Variants in BZW1 observed in about 807,000 individuals in gnomAD.
The protein encoded by BZW1 is basic leucine zipper and W2 domains 1, also known as eIF5-mimic protein 2.
A neutral mutation model predicts 54.1 loss-of-function variants in BZW1; 3 were observed. The observed-to-expected ratio is 0.06, with a 90% CI of 0.03 to 0.14. BZW1 has a LOEUF of 0.14. BZW1 is among the 10% of genes least tolerant of loss of function. The pLI is 1.00. For synonymous variants in BZW1, 152 were observed against 162.7 expected, an observed-to-expected ratio of 0.93 and a Z score of 0.50; for missense variants, 206 against 491.7, an observed-to-expected ratio of 0.42 and a Z score of 5.50.
rs561295598 is a variant in BZW1 at position 200,817,109 on chromosome 2, C to T, written c.406C>T (p.Leu136=). 20 of 1,613,650 alleles carry T rather than the reference C, an allele frequency of 1.2e-5. No individual in the cohort carries two copies. The highest frequency in any genetic ancestry group is 1.7e-5 in the Admixed American group (1 of 60,004). Residue 136 remains leucine, a synonymous_variant, in exon 6 of 12, where the codon CTG becomes TTG. Coordinates refer to ENST00000409600, the MANE Select transcript of BZW1 (RefSeq NM_001207067.2). ...TTAATTGTTTTACTTTTTACAGCTG[C>T]TGCTGTTCTTGAAGGGTTTTTCAGA... ...KGFEDEVKKL[L]LFLKGFSESE...
At position 200,818,262 on chromosome 2, in the gene BZW1, A is replaced by G. The variant is rs960652500; in HGVS notation, c.688A>G (p.Thr230Ala). 2 of 1,603,112 alleles carry G rather than the reference A, an allele frequency of 1.2e-6. No individual in the cohort carries two copies. The highest frequency in any genetic ancestry group is 1.3e-5 in the African/African-American group (1 of 74,356). Residue 230 changes from threonine to alanine, a missense_variant, in exon 8 of 12, where the codon ACA becomes GCA. By Grantham distance (58) the Thr-to-Ala change is moderately conservative. Coordinates refer to ENST00000409600, the MANE Select transcript of BZW1 (RefSeq NM_001207067.2). ...PANKQSVEHF[T>A]KYFTEAGLKE... The stretch of plus-strand genomic sequence containing the variant: ...CAATAAGCAAAGTGTTGAACACTTC[A>G]CAAAATATTTTACTGAGGCAGGCTT...
At chr2:200,818,172 T>G in intron 7 of BZW1, 51 bp from the exon 8 acceptor site, 1 of 1,513,452 alleles carries the variant, frequency 6.6e-7, no homozygotes, top group Non-Finnish European at 8.9e-7. Context: ...AAGAAAGTGT[T>G]TTTCTTAATC....
chr2:200,821,896 C>T (rs1253235886), intron 11 of BZW1, among the ~76,000 whole-genome samples: 1 of 152,070 alleles, frequency 6.6e-6, no homozygotes, highest in Non-Finnish European at 1.5e-5. Context: ...CATGGGAAAC[C>T]CAGTCTCTAC....
At chr2:200,813,304 C>T (rs755773686) in intron 2 of BZW1, 23 bp downstream of exon 2, 5 of 1,588,416 alleles carry the variant, frequency 3.1e-6, no homozygotes, top group East Asian at 4.5e-5. Context: ...GTTTTAATGT[C>T]TCTCTTCAAA....
intron 11 of BZW1, among the ~76,000 whole-genome samples, chr2:200,821,795 G>A (rs2038525571): frequency 6.6e-6 from 1 of 152,198 alleles, no homozygotes; most frequent in South Asian, 2.1e-4. Flanking sequence ...TGGAGGCTGG[G>A]TGTGGTGGCT....
intron 2 of BZW1, chr2:200,813,493 A>G (rs2038166329): frequency 2.4e-6 from 1 of 423,116 alleles, no homozygotes; most frequent in Non-Finnish European, 4.2e-6. Flanking sequence ...ATATATCTCT[A>G]AGCCGGTTAG....
intron 5 of BZW1, among the ~76,000 whole-genome samples, chr2:200,816,710 T>C (rs902579344): frequency 6.6e-6 from 1 of 152,150 alleles, no homozygotes. Context: ...AGGCTGGCCT[T>C]GAACTCCTGG....
chr2:200,819,936 G>A (rs2038446633), intron 9 of BZW1, 46 bp from the exon 10 acceptor site: 2 of 1,444,188 alleles, frequency 1.4e-6, no homozygotes, highest in African/African-American at 1.4e-5. Context: ...GTAATGGATG[G>A]TTATTTGTAA....
intron 10 of BZW1, 119 bp from the exon 11 acceptor site, chr2:200,821,064 G>A: frequency 1.6e-6 from 2 of 1,212,896 alleles, no homozygotes; most frequent in Non-Finnish European, 2.3e-6. Flanking sequence ...CATTTCTCAT[G>A]GATGTTTTTA....
rs1204303524 is a variant in BZW1, at chr2:200,824,741, G to A, written c.*2563G>A. ...GGCTGGAGTGCAGTGGCGCGATCTT[G>A]GCTCACTGCAAGTTCCGCCTCCCGG... On this transcript the variant is annotated 3_prime_UTR_variant, in exon 12 of 12. Transcript: ENST00000409600. The A allele has an allele frequency of 1.4e-5, 2 of 141,966 alleles. No individual in the cohort carries two copies. The highest frequency in any genetic ancestry group is 1.5e-5 in the Non-Finnish European group (1 of 66,820). The allele number at this position is 141,966 out of a possible 1,614,324, so 8.8% of individuals were successfully genotyped here.
chr2:200,814,622 C>T (rs2038219964), intron 2 of BZW1, among the ~76,000 whole-genome samples: 1 of 152,184 alleles, frequency 6.6e-6, no homozygotes, highest in Admixed American at 6.5e-5. Context: ...GGGATAGGTA[C>T]TATTCTTATC....
chr2:200,824,551 C>T lies in BZW1; in HGVS notation c.*2373C>T, dbSNP rs2038641234. 1 of 151,178 alleles carries T rather than the reference C, an allele frequency of 6.6e-6. No individual in the cohort carries two copies. Among genetic ancestry groups the T allele is most frequent in the Non-Finnish European group, 1.5e-5 (1 of 67,864 alleles). 9.4% of individuals were successfully genotyped at this position (151,178 alleles called of 1,614,324 possible). A position where few individuals can be genotyped will look rare whatever the true frequency, so the allele number is the denominator to read the frequency against. On this transcript the variant is annotated 3_prime_UTR_variant, in exon 12 of 12. Coordinates refer to ENST00000409600, the MANE Select transcript of BZW1 (RefSeq NM_001207067.2). The stretch of plus-strand genomic sequence containing the variant: ...AAAAAACCTCCATATACCAAAAATG[C>T]TACAGGATATTTTGAAATAGCATAT...
At chr2:200,821,951 TC>T (rs2038536434) in intron 11 of BZW1, among the ~76,000 whole-genome samples, 195 bp from the exon 12 acceptor site, 1 of 152,052 alleles carries the variant, frequency 6.6e-6, no homozygotes, top group Non-Finnish European at 1.5e-5. Flanking sequence ...CGCCTGTAGT[TC>T]CAGCTACTTG....
chr2:200,820,168 A>G (rs2105702410), intron 10 of BZW1, 48 bp downstream of exon 10: 2 of 1,420,078 alleles, frequency 1.4e-6, no homozygotes, highest in South Asian at 1.4e-5. Context: ...AAAAACCCTT[A>G]TAAACACAAA....
intron 8 of BZW1, 118 bp downstream of exon 8, chr2:200,818,511 C>T: frequency 8.0e-7 from 1 of 1,253,052 alleles, no homozygotes; most frequent in Non-Finnish European, 1.1e-6. Flanking sequence ...GGATGTTATA[C>T]TGGAACTTTG....
At chr2:200,813,074 G>T in intron 1 of BZW1, 134 bp from the exon 2 acceptor site, 1 of 728,708 alleles carries the variant, frequency 1.4e-6, no homozygotes, top group South Asian at 1.5e-5. Flanking sequence ...CCTGTATCGG[G>T]TATAATTGCC....
Position 200,822,054 on chromosome 2 carries a change from G to A in BZW1, c.1229-93G>A, listed in dbSNP as rs902942123. ...GCTGCATTCCGGCCTGTGGGACAGA[G>A]GGAGACTCTGTCTTAAAGAAGCTTC... is the stretch of plus-strand genomic sequence containing the variant. On this transcript the variant is annotated intron_variant, in intron 11 of 11. Transcript: ENST00000409600. The A allele has an allele frequency of 7.4e-6, 9 of 1,222,776 alleles. No individual in the cohort carries two copies. The Admixed American group carries it at 8.0e-5, about 11-fold the overall frequency. 75.7% of individuals were successfully genotyped at this position (1,222,776 alleles called of 1,614,324 possible). A position where few individuals can be genotyped will look rare whatever the true frequency, so the allele number is the denominator to read the frequency against.
intron 11 of BZW1, 38 bp from the exon 12 acceptor site, chr2:200,822,109 G>A: frequency 6.4e-7 from 1 of 1,573,050 alleles, no homozygotes; most frequent in South Asian, 1.1e-5. Context: ...TTTGCCTTCT[G>A]ATACATAATG....
At chr2:200,820,959 T>C (rs2038486307) in intron 10 of BZW1, among the ~76,000 whole-genome samples, 1 of 152,226 alleles carries the variant, frequency 6.6e-6, no homozygotes, top group African/African-American at 2.4e-5. Context: ...GAAAATCCAT[T>C]GCAGTTGGTC....
Sources: gnomAD v4.1 joint callset for allele counts (sites outside exome capture counted in the v4.1 genomes callset) on GRCh38, gnomAD v4.1.1 for gene constraint, MANE v1.5 for transcripts, NCBI Gene and HGNC (gene_info 2026-07-23, HGNC 2026-07-21) for gene names.